UGT1A5: variants seen among roughly 807,000 people sequenced by gnomAD.
UGT1A5 encodes the protein UDP-glucuronosyltransferase 1A5.
UGT1A5 carries 29 observed loss-of-function variants against 40.3 expected under a neutral mutation model. That is an observed-to-expected ratio of 0.72 (90% CI 0.54 to 0.98). The LOEUF (loss-of-function observed/expected upper bound fraction) is 0.98. UGT1A5 is among the 50% of genes least tolerant of loss of function. The probability of loss-of-function intolerance (pLI) is 0.00; values close to 1 mark genes in which losing one functional copy is unlikely to be tolerated. For synonymous variants in UGT1A5, 257 were observed against 262.5 expected, an observed-to-expected ratio of 0.98 and a Z score of 0.20; for missense variants, 678 against 677.9, an observed-to-expected ratio of 1.00 and a Z score of 0.00.
chr2:233,772,111 T>C (rs1459691465), intron 4 of UGT1A5, 151 bp from the exon 5 acceptor site: 1 of 1,527,060 alleles, frequency 6.5e-7, no homozygotes, highest in East Asian at 2.5e-5. Context: ...AGACTCTGTA[T>C]CTAAAAACAA....
At chr2:233,747,535 A>C in intron 1 of UGT1A5, 1 of 1,605,190 alleles carries the variant, frequency 6.2e-7, no homozygotes. Flanking sequence ...CATTTTCTGA[A>C]GACATTTTCT....
At chr2:233,751,081 C>A (rs1306990263) in intron 1 of UGT1A5, among the ~76,000 whole-genome samples, 1 of 151,926 alleles carries the variant, frequency 6.6e-6, no homozygotes, top group African/African-American at 2.4e-5. Context: ...CCTCTGAAGG[C>A]AGCCAGGAGG....
intron 1 of UGT1A5, among the ~76,000 whole-genome samples, chr2:233,763,949 C>T (rs1698436640): frequency 6.6e-6 from 1 of 152,024 alleles, no homozygotes; most frequent in African/African-American, 2.4e-5. Flanking sequence ...AGCTTGGGAG[C>T]AGGGAAGGTT....
At position 233,713,862 on chromosome 2, in the gene UGT1A5, T is replaced by G. The variant is rs765022217; in HGVS notation, c.867+4T>G. 94 of 1,613,944 alleles carry G rather than the reference T, an allele frequency of 5.8e-5. No homozygotes were observed. In the African/African-American group the frequency reaches 1.1e-3, roughly 20 times the overall value. On this transcript the variant is annotated splice_donor_region_variant and intron_variant, in intron 1 of 4. Transcript: ENST00000373414. ...CAACGGGAAGCCACTATCTCAGGTC[T>G]GTATTGGTGCCTTTATCCAATCAAT...
intron 1 of UGT1A5, chr2:233,747,421 AAC>A: frequency 1.9e-6 from 3 of 1,607,992 alleles, no homozygotes; most frequent in Non-Finnish European, 2.6e-6. Flanking sequence ...ATGCACATCA[AAC>A]AAGAGAAATT....
chr2:233,761,598 A>G (rs1310966456), intron 1 of UGT1A5, among the ~76,000 whole-genome samples: 2 of 152,232 alleles, frequency 1.3e-5, no homozygotes, highest in African/African-American at 4.8e-5. Flanking sequence ...TTAAAGCTCC[A>G]GTTTCTAAAT....
At chr2:233,726,222 A>G (rs532622558) in intron 1 of UGT1A5, among the ~76,000 whole-genome samples, 1 of 152,320 alleles carries the variant, frequency 6.6e-6, no homozygotes, top group East Asian at 1.9e-4. Flanking sequence ...TTTAGAAAAC[A>G]TTTTTTAAAA....
chr2:233,728,996 G>T, intron 1 of UGT1A5: 1 of 1,557,110 alleles, frequency 6.4e-7, no homozygotes, highest in East Asian at 2.3e-5. Context: ...TTAACTAGAG[G>T]AGGGCACTCT....
chr2:233,753,461 T>C (rs1419895967), intron 1 of UGT1A5: 1 of 152,272 alleles, frequency 6.6e-6, no homozygotes, highest in Non-Finnish European at 1.5e-5. Context: ...ATGATTTTTC[T>C]GTAAAAAATT....
At chr2:233,717,531 G>A (rs948742464) in intron 1 of UGT1A5, among the ~76,000 whole-genome samples, 1 of 152,242 alleles carries the variant, frequency 6.6e-6, no homozygotes, top group Non-Finnish European at 1.5e-5. Context: ...CTCCATAAGG[G>A]AAGCCTCAGC....
At chr2:233,760,846 C>G (rs760019185) in intron 1 of UGT1A5, 2 of 1,613,970 alleles carry the variant, frequency 1.2e-6, no homozygotes, top group South Asian at 2.2e-5. Context: ...TACCCAGTGC[C>G]CCAACCCATT....
chr2:233,712,928 A>G lies in UGT1A5; in HGVS notation c.-64A>G. The G allele has an allele frequency of 6.2e-7, 1 of 1,612,102 alleles. No individual in the cohort carries two copies. The highest frequency in any genetic ancestry group is 2.2e-5 in the East Asian group (1 of 44,874). ...TCTCAGTGACAAGGTAATTAAGACG[A>G]AGGAAACAATTCTAGGAGGCACAAC... On this transcript the variant is annotated 5_prime_UTR_variant, in exon 1 of 5. Transcript: ENST00000373414.
chr2:233,769,689 T>C lies in UGT1A5; in HGVS notation c.1307+1250T>C. On this transcript the variant is annotated intron_variant, in intron 4 of 4. Transcript: ENST00000373414. This position sits in a 1 kb window ranked among gnomAD's most constrained non-coding sequence, Gnocchi z 4.4. ...GGTGCTAATGTGTGTGTGGTGGCAC[T>C]GGATAAAAGATCAATGTTGGCTAGG... 6.5e-7 allele frequency: 1 copy of C among 1,550,140 alleles called. No homozygotes were observed. Among genetic ancestry groups the C allele is most frequent in the Non-Finnish European group, 8.7e-7 (1 of 1,147,494 alleles).
At position 233,758,069 on chromosome 2, in the gene UGT1A5, G is replaced by A. The variant is rs148016926; in HGVS notation, c.868-8965G>A. Among the ~76,000 whole-genome samples, 50 of 152,242 alleles carry A rather than the reference G, an allele frequency of 3.3e-4. No individual in the cohort carries two copies. In the East Asian group the frequency reaches 8.9e-3, roughly 27 times the overall value. ...AGGACCATTTCTAACTTGACTTTCT[G>A]GGCCTAGTTCCTAGCATAGTGACTG... On this transcript the variant is annotated intron_variant, in intron 1 of 4. Transcript: ENST00000373414.
chr2:233,767,779 A>G, intron 2 of UGT1A5, 70 bp from the exon 3 acceptor site: 1 of 1,612,962 alleles, frequency 6.2e-7, no homozygotes. Flanking sequence ...TTTTCTAGTT[A>G]GTATAGCAGA....
chr2:233,747,435 T>G, intron 1 of UGT1A5: 1 of 1,608,866 alleles, frequency 6.2e-7, no homozygotes, highest in Non-Finnish European at 8.5e-7. Context: ...AGAGAAATTT[T>G]TCACCCTGAC....
At chr2:233,755,166 T>C in intron 1 of UGT1A5, 2 of 1,275,566 alleles carry the variant, frequency 1.6e-6, no homozygotes, top group Non-Finnish European at 2.1e-6. Context: ...GTCCTCGGGG[T>C]TTTTGTCGGG....
At chr2:233,743,747 GACA>G (rs1559387814) in intron 1 of UGT1A5, 2 of 1,367,344 alleles carry the variant, frequency 1.5e-6, no homozygotes, top group South Asian at 1.1e-5. Context: ...CTTGGCGTCC[GACA>G]ACACCTCGTA....
At chr2:233,752,746 AAAACAAACAAAC>A (rs200752387) in intron 1 of UGT1A5, among the ~76,000 whole-genome samples, 1 of 152,190 alleles carries the variant, frequency 6.6e-6, no homozygotes, top group East Asian at 1.9e-4. Flanking sequence ...CCCTGTCTCT[AAAACAAACAAAC>A]AAACAAACAA....
Sources: allele counts gnomAD v4.1 joint callset (sites outside exome capture counted in the v4.1 genomes callset), GRCh38; gene constraint gnomAD v4.1.1; non-coding constraint Gnocchi (gnomAD v3.1); transcripts MANE v1.5; gene names NCBI Gene and HGNC (gene_info 2026-07-23, HGNC 2026-07-21).